HGF: variants seen among roughly 807,000 people sequenced by gnomAD.
HGF encodes the protein hepatocyte growth factor, also known as fibroblast-derived tumor cytotoxic factor.
Under a neutral mutation model 111.6 loss-of-function variants are expected in HGF, and 39 were observed. The ratio of observed to expected loss-of-function variants is 0.35; its 90% CI spans 0.27 to 0.46. The LOEUF is 0.46. HGF is among the 20% of genes least tolerant of loss of function. The pLI, the probability that HGF is intolerant of heterozygous loss-of-function variation, is 1.00. For missense variants in HGF, 735 were observed against 910.5 expected (o/e 0.81, Z 2.48); for synonymous variants, 285 against 294.8 (o/e 0.97, Z 0.34).
chr7:81,740,360 C>T (rs1787963831), intron 7 of HGF, among the ~76,000 whole-genome samples: 1 of 152,152 alleles, frequency 6.6e-6, no homozygotes, highest in Admixed American at 6.6e-5. Context: ...TTATCTCTTA[C>T]AACCAGTACA....
intron 7 of HGF, among the ~76,000 whole-genome samples, chr7:81,741,446 T>C (rs1454700674): frequency 6.6e-6 from 1 of 152,130 alleles, no homozygotes; most frequent in Non-Finnish European, 1.5e-5. Context: ...ATTCTATTTC[T>C]TGCCTCTCTC....
intron 2 of HGF, among the ~76,000 whole-genome samples, chr7:81,759,067 G>A (rs989617830): frequency 6.6e-6 from 1 of 152,084 alleles, no homozygotes; most frequent in Non-Finnish European, 1.5e-5. Flanking sequence ...TATTCCAAAA[G>A]GCTTGTAGAA....
chr7:81,742,322 G>A (rs1788040340), intron 7 of HGF, among the ~76,000 whole-genome samples: 1 of 152,108 alleles, frequency 6.6e-6, no homozygotes, highest in African/African-American at 2.4e-5. Flanking sequence ...TATTCAGTTA[G>A]GTTTGTTCAG....
At chr7:81,730,570 C>CT (rs1052464869) in intron 7 of HGF, among the ~76,000 whole-genome samples, 37 of 152,230 alleles carry the variant, frequency 2.4e-4, no homozygotes, top group Middle Eastern at 3.4e-3. Context: ...CTATCTCCTG[C>CT]TTTTTTTCCT....
chr7:81,701,068 T>C lies in HGF; in HGVS notation c.*1513A>G, dbSNP rs1455512489. The stretch of plus-strand genomic sequence containing the variant: ...CTGCAAAAATTCAAAGCCTATCCTA[T>C]TACTTTTTGTTATTCTATTTCTCAA... On this transcript the variant is annotated 3_prime_UTR_variant, in exon 18 of 18. Transcript: ENST00000222390. 1 of 151,626 alleles carries C rather than the reference T, an allele frequency of 6.6e-6. No individual in the cohort carries two copies. Among genetic ancestry groups the C allele is most frequent in the Non-Finnish European group, 1.5e-5 (1 of 67,666 alleles). 9.4% of individuals were successfully genotyped at this position (151,626 alleles called of 1,614,324 possible). A position where few individuals can be genotyped will look rare whatever the true frequency, so the allele number is the denominator to read the frequency against.
At chr7:81,717,068 G>C (rs1413082634) in intron 11 of HGF, among the ~76,000 whole-genome samples, 164 bp downstream of exon 11, 1 of 152,138 alleles carries the variant, frequency 6.6e-6, no homozygotes, top group Non-Finnish European at 1.5e-5. Context: ...GAGAGACCAT[G>C]TGGTGTGTCT....
At chr7:81,703,467 T>C (rs961147166) in intron 17 of HGF, among the ~76,000 whole-genome samples, 3 of 150,956 alleles carry the variant, frequency 2.0e-5, no homozygotes, top group Non-Finnish European at 3.0e-5. Flanking sequence ...GGTAAGCCTG[T>C]TGCATCATCA....
At chr7:81,719,377 A>G (rs941744513) in intron 10 of HGF, among the ~76,000 whole-genome samples, 3 of 152,154 alleles carry the variant, frequency 2.0e-5, no homozygotes, top group Non-Finnish European at 4.4e-5. Context: ...TGGGAGATCT[A>G]TAAGGACAGA....
chr7:81,745,881 A>G lies in HGF; in HGVS notation c.626-761T>C, dbSNP rs5745657. Among the ~76,000 whole-genome samples, 1,471 of 152,332 alleles carry G rather than the reference A, an allele frequency of 9.7e-3. 22 individuals are homozygous for G. Among genetic ancestry groups the G allele is most frequent in the African/African-American group, 0.034 (1,408 of 41,574 alleles). ...TCTCTTCTGGCTGGCCTCTTATGTC[A>G]CACAGAAAACTGAATCACATCAATT... On this transcript the variant is annotated intron_variant, in intron 5 of 17. Transcript: ENST00000222390.
At chr7:81,727,553 T>A (rs73379381) in intron 8 of HGF, among the ~76,000 whole-genome samples, 2,206 of 143,790 alleles carry the variant, frequency 0.015, 61 homozygotes, top group African/African-American at 0.055. Context: ...CTGGAATAGA[T>A]GAGACAAGCA....
intron 9 of HGF, among the ~76,000 whole-genome samples, chr7:81,724,664 T>G (rs1789958983): frequency 6.6e-6 from 1 of 152,204 alleles, no homozygotes; most frequent in Admixed American, 6.5e-5. Context: ...CATAGATTAT[T>G]TTGCATGCAT....
Position 81,752,123 on chromosome 7 carries a change from C to G in HGF, c.622G>C (p.Glu208Gln), listed in dbSNP as rs1788533214. ...YEVCDIPQCS[E>Q]VECMTCNGES... Reference sequence around the variant, plus strand: ...CATGGCATTCAGGTTTATTTACCTTCTGAACACTGAGGAATGTCACAGACT... The same window carrying G: ...CATGGCATTCAGGTTTATTTACCTTGTGAACACTGAGGAATGTCACAGACT... The change falls in exon 5 of 18, where the codon GAA (glutamate) becomes CAA (glutamine). Residue 208 changes from glutamate to glutamine, a missense_variant. Coordinates refer to ENST00000222390, the MANE Select transcript of HGF (RefSeq NM_000601.6). The G allele has an allele frequency of 1.2e-6, 2 of 1,613,384 alleles. No homozygotes were observed. Among genetic ancestry groups the G allele is most frequent in the Admixed American group, 1.7e-5 (1 of 59,976 alleles).
rs1053369698 is a variant in HGF at position 81,702,331 on chromosome 7, C to T, written c.*250G>A. On this transcript the variant is annotated 3_prime_UTR_variant, in exon 18 of 18. Coordinates refer to ENST00000222390, the MANE Select transcript of HGF (RefSeq NM_000601.6). ...AATATACCTGTGTGTTTTTTTAATC[C>T]ATTCAAGTATCTTCAGGAGATATGT... 5.3e-6 allele frequency: 2 copies of T among 380,714 alleles called. No homozygotes were observed. The highest frequency in any genetic ancestry group is 9.5e-6 in the Non-Finnish European group (2 of 210,172). The allele number at this position is 380,714 out of a possible 1,614,324, so 23.6% of individuals were successfully genotyped here. A position where few individuals can be genotyped will look rare whatever the true frequency, so the allele number is the denominator to read the frequency against.
In HGF at chr7:81,706,196, A is replaced by G. The variant is rs927774111; in HGVS notation, c.1757+91T>C. ...TAACATATGTTTATAATGCATCTGTATGAGAGAGAACGAACTGCCACACAG... is the reference window on the plus strand; with the variant it reads ...TAACATATGTTTATAATGCATCTGTGTGAGAGAGAACGAACTGCCACACAG... On this transcript the variant is annotated intron_variant, in intron 15 of 17. Transcript: ENST00000222390. The G allele has an allele frequency of 4.2e-5, 46 of 1,097,946 alleles. No individual in the cohort carries two copies. The South Asian group carries it at 5.4e-4, about 13-fold the overall frequency. 68.0% of individuals were successfully genotyped at this position (1,097,946 alleles called of 1,614,324 possible).
chr7:81,759,426 T>C (rs1486026700), intron 2 of HGF, among the ~76,000 whole-genome samples: 2 of 152,226 alleles, frequency 1.3e-5, no homozygotes, highest in African/African-American at 4.8e-5. Context: ...CATTGCAGTT[T>C]ATTAAAAGCT....
chr7:81,748,313 A>G (rs1788358428), intron 5 of HGF, among the ~76,000 whole-genome samples: 2 of 152,108 alleles, frequency 1.3e-5, no homozygotes, highest in South Asian at 2.1e-4. Flanking sequence ...AGTCTCATCT[A>G]TTGGAGGAAT....
chr7:81,729,602 C>G lies in HGF; in HGVS notation c.1040+3G>C. 2 of 1,609,334 alleles carry G rather than the reference C, an allele frequency of 1.2e-6. No individual in the cohort carries two copies. The highest frequency in any genetic ancestry group is 1.7e-6 in the Non-Finnish European group (2 of 1,175,722). ...ATGTATAACATTTGCCTACTTTACT[C>G]ACTTGCACTTGAAATTTTCAGGAGT... On this transcript the variant is annotated splice_donor_region_variant and intron_variant, in intron 8 of 17. Coordinates refer to ENST00000222390, the MANE Select transcript of HGF (RefSeq NM_000601.6).
chr7:81,717,494 T>G, intron 10 of HGF, 129 bp from the exon 11 acceptor site: 1 of 947,140 alleles, frequency 1.1e-6, no homozygotes, highest in South Asian at 1.3e-5. Flanking sequence ...TTACTTGGGA[T>G]GAATTTTAGC....
intron 13 of HGF, 93 bp downstream of exon 13, chr7:81,710,054 C>A (rs537433282): frequency 1.1e-6 from 1 of 897,332 alleles, no homozygotes; most frequent in East Asian, 2.5e-5. Context: ...GTGGAGGGTA[C>A]AACCTTCAGG....
Sources: allele counts gnomAD v4.1 joint callset (sites outside exome capture counted in the v4.1 genomes callset), GRCh38; gene constraint gnomAD v4.1.1; transcripts MANE v1.5; gene names NCBI Gene and HGNC (gene_info 2026-07-23, HGNC 2026-07-21).